Variants in PCDHGA9 observed in about 807,000 individuals in gnomAD.
The protein encoded by PCDHGA9 is protocadherin gamma-A9.
Under a neutral mutation model 62.5 loss-of-function variants are expected in PCDHGA9, and 37 were observed. The observed-to-expected ratio is 0.59, with a 90% CI of 0.46 to 0.78. The LOEUF (loss-of-function observed/expected upper bound fraction) is 0.78. Among genes scored for constraint, PCDHGA9 ranks in the 30% least tolerant of loss-of-function variants. The pLI, the probability that PCDHGA9 is intolerant of heterozygous loss-of-function variation, is 0.00. For missense variants in PCDHGA9, 1,138 were observed against 1,166.2 expected, an observed-to-expected ratio of 0.98 and a Z score of 0.35; for synonymous variants, 459 against 484.6, an observed-to-expected ratio of 0.95 and a Z score of 0.69.
intron 2 of PCDHGA9, among the ~76,000 whole-genome samples, chr5:141,502,048 ACTTTATTCC>A (rs1055762924): frequency 6.6e-5 from 10 of 151,746 alleles, no homozygotes; most frequent in African/African-American, 2.4e-4. Context: ...TGCTCTCCCT[ACTTTATTCC>A]CATTAGCCCC....
rs188373658 is a variant in PCDHGA9 at position 141,492,228 on chromosome 5, C to T, written c.2425-2579C>T. ...TGCGCGCGGGGCTCATGCGTGTCCT[C>T]CCTGCTGGCCACCCCCACGGCCCAC... On this transcript the variant is annotated intron_variant, in intron 1 of 3. Coordinates refer to ENST00000573521, the MANE Select transcript of PCDHGA9 (RefSeq NM_018921.3). Among the ~76,000 whole-genome samples the T allele has an allele frequency of 5.3e-5, 8 of 152,292 alleles. No individual in the cohort carries two copies. In the East Asian group the frequency reaches 1.2e-3, roughly 22 times the overall value.
chr5:141,409,861 A>C, intron 1 of PCDHGA9: 1 of 1,612,406 alleles, frequency 6.2e-7, no homozygotes, highest in Non-Finnish European at 8.5e-7. Context: ...TGTTGGTGGG[A>C]GACCGCAATG....
chr5:141,450,006 C>CT lies in PCDHGA9; in HGVS notation c.2424+44648dup, dbSNP rs1554136305. ...CACATTGCATTTAGTTGCCATGTCT[C>CT]TTTTTTTTTTTTTTTTTTGAGACAG... On this transcript the variant is annotated intron_variant, in intron 1 of 3. Coordinates refer to ENST00000573521, the MANE Select transcript of PCDHGA9 (RefSeq NM_018921.3). Among the ~76,000 whole-genome samples the CT allele has an allele frequency of 9.8e-3, 1,304 of 132,922 alleles. 21 individuals are homozygous for CT. Among genetic ancestry groups the CT allele is most frequent in the Non-Finnish European group, 0.015 (957 of 62,878 alleles). 87.2% of individuals were successfully genotyped at this position (132,922 alleles called of 152,430 possible).
rs554522683 is a variant in PCDHGA9 at position 141,404,685 on chromosome 5, C to T, written c.1733C>T (p.Ala578Val). The change falls in exon 1 of 4, where the codon GCA (alanine) becomes GTA (valine). Residue 578 changes from alanine (A) to valine (V), a missense_variant. Ala to Val is a moderately conservative substitution (Grantham distance 64). Transcript: ENST00000573521. ...GATGGTTCTACTGGTGTGGAGCTGG[C>T]ACCCCGCTCTGCAGAGCCTGGCTAC... ...PTDGSTGVELAPRSAEPGYLV... is the reference protein window; with the variant it reads ...PTDGSTGVELVPRSAEPGYLV... 6.2e-7 allele frequency: 1 copy of T among 1,614,010 alleles called. No homozygotes were observed. The highest frequency in any genetic ancestry group is 1.1e-5 in the South Asian group (1 of 91,080).
At chr5:141,480,525 A>G (rs191522157) in intron 1 of PCDHGA9, among the ~76,000 whole-genome samples, 131 of 152,310 alleles carry the variant, frequency 8.6e-4, no homozygotes, top group African/African-American at 2.6e-3. Context: ...AAAAATGACA[A>G]AGTAGAAGCA....
chr5:141,414,351 G>A (rs771256149), intron 1 of PCDHGA9: 16 of 1,613,676 alleles, frequency 9.9e-6, no homozygotes, highest in South Asian at 6.6e-5. Flanking sequence ...CCATTTTGGC[G>A]TATCTACCAT....
At chr5:141,415,205 C>A (rs2095843771) in intron 1 of PCDHGA9, 2 of 1,614,040 alleles carry the variant, frequency 1.2e-6, no homozygotes, top group Non-Finnish European at 1.7e-6. Context: ...CAAGTCCTGG[C>A]GGACCTCGGC....
intron 1 of PCDHGA9, chr5:141,478,852 A>G (rs2099480601): frequency 7.3e-7 from 1 of 1,367,502 alleles, no homozygotes; most frequent in African/African-American, 1.5e-5. Flanking sequence ...GCTAAAACAC[A>G]AGATCTCAGC....
intron 2 of PCDHGA9, among the ~76,000 whole-genome samples, chr5:141,496,841 G>C (rs2099771828): frequency 6.6e-6 from 1 of 151,398 alleles, no homozygotes; most frequent in South Asian, 2.1e-4. Context: ...GAACTCATAG[G>C]CTTCCAGACC....
At position 141,491,942 on chromosome 5, in the gene PCDHGA9, C is replaced by T. The variant is rs932715298; in HGVS notation, c.2425-2865C>T. 6.4e-5 allele frequency: 72 copies of T among 1,122,376 alleles called. No individual in the cohort carries two copies. Among genetic ancestry groups the T allele is most frequent in the Admixed American group, 3.5e-5 (1 of 28,738 alleles). 69.5% of individuals were successfully genotyped at this position (1,122,376 alleles called of 1,614,324 possible). A position where few individuals can be genotyped will look rare whatever the true frequency, so the allele number is the denominator to read the frequency against. ...GGCGAGGGGAGGTGGGACCGACCCC[C>T]ACCCCTACACTCAAAAAAGGCCGGG... is the stretch of plus-strand genomic sequence containing the variant. On this transcript the variant is annotated intron_variant, in intron 1 of 3. Transcript: ENST00000573521. The surrounding 1 kb of genome is among the most constrained non-coding windows in gnomAD (Gnocchi z 6.9).
rs1334650353 is a variant in PCDHGA9, at chr5:141,493,099, A to T, written c.2425-1708A>T. Among the ~76,000 whole-genome samples, 1 of 152,192 alleles carries T rather than the reference A, an allele frequency of 6.6e-6. No homozygotes were observed. Among genetic ancestry groups the T allele is most frequent in the East Asian group, 1.9e-4 (1 of 5,198 alleles). On this transcript the variant is annotated intron_variant, in intron 1 of 3. Coordinates refer to ENST00000573521, the MANE Select transcript of PCDHGA9 (RefSeq NM_018921.3). This position sits in a 1 kb window ranked among gnomAD's most constrained non-coding sequence, Gnocchi z 4.3. ...CTCCAGGAGCTTTTATTCAAAATAT[A>T]TCAATGCCTAACTCTGCTCCTAGGA... is the stretch of plus-strand genomic sequence containing the variant.
intron 1 of PCDHGA9, among the ~76,000 whole-genome samples, chr5:141,450,006 C>CTATTTTTTTTTT (rs70988802): frequency 7.5e-6 from 1 of 132,986 alleles, no homozygotes. Context: ...TGCCATGTCT[C>CTATTTTTTTTTT]TTTTTTTTTT....
intron 1 of PCDHGA9, among the ~76,000 whole-genome samples, chr5:141,436,594 G>T (rs79477223): frequency 0.052 from 7,980 of 152,210 alleles, 223 homozygotes; most frequent in South Asian, 0.079. Flanking sequence ...AAAGGTCGTG[G>T]TGATGGCTAG....
chr5:141,418,666 G>C, intron 1 of PCDHGA9: 1 of 1,614,038 alleles, frequency 6.2e-7, no homozygotes, highest in Non-Finnish European at 8.5e-7. Context: ...CCACTGACCA[G>C]GACGAGGGCA....
chr5:141,418,087 C>T (rs2096220274), intron 1 of PCDHGA9: 9 of 1,613,894 alleles, frequency 5.6e-6, no homozygotes, highest in Non-Finnish European at 7.6e-6. Flanking sequence ...TGCACTTCAG[C>T]GTAGACGCGC....
At chr5:141,482,602 C>T (rs2099569087) in intron 1 of PCDHGA9, among the ~76,000 whole-genome samples, 1 of 142,506 alleles carries the variant, frequency 7.0e-6, no homozygotes, top group Non-Finnish European at 1.5e-5. Flanking sequence ...CGGGAAAAAA[C>T]ACCTAAATGA....
intron 2 of PCDHGA9, among the ~76,000 whole-genome samples, chr5:141,503,423 C>T (rs1018496430): frequency 6.6e-6 from 1 of 151,752 alleles, no homozygotes; most frequent in Non-Finnish European, 1.5e-5. Context: ...GGTGAAACCC[C>T]ATCTCTACTA....
chr5:141,490,205 C>A lies in PCDHGA9; in HGVS notation c.2425-4602C>A. 1 of 1,614,168 alleles carries A rather than the reference C, an allele frequency of 6.2e-7. No individual in the cohort carries two copies. The highest frequency in any genetic ancestry group is 8.5e-7 in the Non-Finnish European group (1 of 1,180,004). ...CGTTTCTATGAAATTCATGCAAGAG[C>A]CCGTGACCAGGGACAGCCTGCCATG... On this transcript the variant is annotated intron_variant, in intron 1 of 3. Transcript: ENST00000573521. This position sits in a 1 kb window ranked among gnomAD's most constrained non-coding sequence, Gnocchi z 5.4.
rs1434083091 is a variant in PCDHGA9 at position 141,450,833 on chromosome 5, T to TA, written c.2425-43974_2425-43973insA. 6.4e-3 allele frequency among the ~76,000 whole-genome samples: 943 copies of TA among 147,260 alleles called. 6 individuals carry two copies. The highest frequency in any genetic ancestry group is 0.014 in the Middle Eastern group (4 of 276). ...TTATTTAATATTATTATTATTATTT[T>TA]TTTTTTTTTGAGATGGGGTCTTGCT... is the stretch of plus-strand genomic sequence containing the variant. On this transcript the variant is annotated intron_variant, in intron 1 of 3. Coordinates refer to ENST00000573521, the MANE Select transcript of PCDHGA9 (RefSeq NM_018921.3).
Sources: allele counts gnomAD v4.1 joint callset (sites outside exome capture counted in the v4.1 genomes callset), GRCh38; gene constraint gnomAD v4.1.1; non-coding constraint Gnocchi (gnomAD v3.1); transcripts MANE v1.5; gene names NCBI Gene and HGNC (gene_info 2026-07-23, HGNC 2026-07-21).